GLMN: variants seen among roughly 807,000 people sequenced by gnomAD.
GLMN encodes glomulin, FKBP associated protein, also known as glomulin.
A neutral mutation model predicts 87.8 loss-of-function variants in GLMN; 75 were observed. That is an observed-to-expected ratio of 0.85 (90% CI 0.71 to 1.04). The LOEUF is 1.04. Among genes scored for constraint, GLMN ranks in the 50% least tolerant of loss-of-function variants. GLMN has a pLI of 0.00. For missense variants in GLMN, 588 were observed against 658.8 expected (o/e 0.89, Z 1.18); for synonymous variants, 206 against 221.6 (o/e 0.93, Z 0.63).
chr1:92,339,300 C>T, the GLMN span, among the ~76,000 whole-genome samples: 1 of 151,716 alleles, frequency 6.6e-6, no homozygotes, highest in Admixed American at 6.6e-5. Context: ...AAATTGCCAC[C>T]TGGGTCCTAC....
the GLMN span, among the ~76,000 whole-genome samples, chr1:92,334,705 G>T: frequency 5.0e-4 from 76 of 151,822 alleles, no homozygotes; most frequent in Admixed American, 5.0e-3. Flanking sequence ...ATAAAAATTC[G>T]GCCGAGTGCA....
At chr1:92,268,160 CATGA>C in intron 9 of GLMN, 25 bp from the exon 10 acceptor site, 2 of 1,204,488 alleles carry the variant, frequency 1.7e-6, no homozygotes, top group Non-Finnish European at 2.5e-6. Context: ...TAAAATTTAT[CATGA>C]ATTTGTAAAC....
chr1:92,269,851 G>A (rs181616577), intron 8 of GLMN, 75 bp from the exon 9 acceptor site: 2 of 974,648 alleles, frequency 2.1e-6, no homozygotes, highest in Non-Finnish European at 3.3e-6. Context: ...TATTGTTATG[G>A]GTTGAATTGT....
the GLMN span, among the ~76,000 whole-genome samples, chr1:92,330,804 A>G: frequency 6.6e-6 from 1 of 152,174 alleles, no homozygotes; most frequent in Non-Finnish European, 1.5e-5. Context: ...TCAGAAACAC[A>G]CAAAGATAGA....
the GLMN span, among the ~76,000 whole-genome samples, chr1:92,363,300 G>A: frequency 6.6e-6 from 1 of 152,294 alleles, no homozygotes; most frequent in Admixed American, 6.5e-5. Flanking sequence ...ATAATTTGAA[G>A]CTGCGGGCAA....
At chr1:92,307,573 C>G in the GLMN span, among the ~76,000 whole-genome samples, 4 of 152,054 alleles carry the variant, frequency 2.6e-5, no homozygotes, top group Non-Finnish European at 4.4e-5. Context: ...ATATAATAAT[C>G]CTGGAGGAAG....
chr1:92,297,938 AT>A, intron 2 of GLMN, 22 bp downstream of exon 2: 5 of 1,142,754 alleles, frequency 4.4e-6, no homozygotes, highest in Non-Finnish European at 6.7e-6. Flanking sequence ...AAGGTATTTA[AT>A]TTTACAAAAA....
chr1:92,269,060 G>A (rs914044308), intron 9 of GLMN, among the ~76,000 whole-genome samples: 6 of 151,806 alleles, frequency 4.0e-5, no homozygotes, highest in Middle Eastern at 3.2e-3. Flanking sequence ...CTGGGACAAC[G>A]GGCAGGCGCC....
At chr1:92,257,048 T>C (rs1206105406) in intron 16 of GLMN, among the ~76,000 whole-genome samples, 2 of 152,220 alleles carry the variant, frequency 1.3e-5, no homozygotes, top group Non-Finnish European at 2.9e-5. Flanking sequence ...ATAAGCAACT[T>C]TGGCAAAGTC....
rs112355215 is a variant in GLMN, at chr1:92,275,764, T to C, written c.736-4112A>G. 3.3e-3 allele frequency among the ~76,000 whole-genome samples: 506 copies of C among 152,346 alleles called. 2 individuals are homozygous for C. The highest frequency in any genetic ancestry group is 0.011 in the African/African-American group (477 of 41,570). On this transcript the variant is annotated intron_variant, in intron 7 of 18. Transcript: ENST00000370360. The stretch of plus-strand genomic sequence containing the variant: ...CATACCTCTATGCATTTAACAGTAC[T>C]GATCACCTCTATCCTTCTAAAACTC...
At chr1:92,252,633 T>G (rs182461193) in intron 16 of GLMN, among the ~76,000 whole-genome samples, 43 of 152,322 alleles carry the variant, frequency 2.8e-4, no homozygotes, top group African/African-American at 9.4e-4. Context: ...TGTAATATTT[T>G]TAGAAGCATG....
upstream of GLMN, chr1:92,301,479 A>G (rs1230453655): frequency 1.3e-6 from 2 of 1,556,926 alleles, no homozygotes; most frequent in Non-Finnish European, 1.7e-6. Context: ...ATTTTAGGAA[A>G]GCTGAACTAG....
the GLMN span, among the ~76,000 whole-genome samples, chr1:92,311,254 TC>T: frequency 2.6e-5 from 4 of 152,332 alleles, no homozygotes; most frequent in African/African-American, 9.6e-5. Context: ...GCATTCAACT[TC>T]CGAGTTCCCT....
chr1:92,259,141 C>T (rs1654663089), intron 16 of GLMN, among the ~76,000 whole-genome samples: 1 of 151,846 alleles, frequency 6.6e-6, no homozygotes, highest in Non-Finnish European at 1.5e-5. Flanking sequence ...GATGAGTAAA[C>T]AGATGGATGG....
At chr1:92,281,367 T>G (rs1449765911) in intron 7 of GLMN, among the ~76,000 whole-genome samples, 1 of 152,200 alleles carries the variant, frequency 6.6e-6, no homozygotes, top group East Asian at 1.9e-4. Flanking sequence ...CCAGCCAAAC[T>G]AAGCTGCATA....
chr1:92,356,129 A>G, the GLMN span, among the ~76,000 whole-genome samples: 1 of 151,360 alleles, frequency 6.6e-6, no homozygotes, highest in African/African-American at 2.4e-5. Context: ...TATTCTTTAC[A>G]TTTTATTTAT....
intron 3 of GLMN, among the ~76,000 whole-genome samples, chr1:92,293,272 T>C (rs538943416): frequency 6.6e-6 from 1 of 152,178 alleles, no homozygotes; most frequent in East Asian, 1.9e-4. Flanking sequence ...TCACCCCAGT[T>C]AAAATGGCTT....
intron 7 of GLMN, among the ~76,000 whole-genome samples, chr1:92,274,475 T>C (rs185591318): frequency 2.0e-5 from 3 of 152,314 alleles, no homozygotes; most frequent in Admixed American, 6.5e-5. Context: ...CCTGGTAATT[T>C]CCTGACATTC....
At chr1:92,294,207 A>C (rs1649765781) in intron 3 of GLMN, among the ~76,000 whole-genome samples, 1 of 152,138 alleles carries the variant, frequency 6.6e-6, no homozygotes, top group African/African-American at 2.4e-5. Flanking sequence ...AAAACATCTC[A>C]TGTACCCATC....
Sources: gnomAD v4.1 joint callset for allele counts (sites outside exome capture counted in the v4.1 genomes callset) on GRCh38, gnomAD v4.1.1 for gene constraint, MANE v1.5 for transcripts, NCBI Gene and HGNC (gene_info 2026-07-23, HGNC 2026-07-21) for gene names.